WDR46: variants seen among roughly 807,000 people sequenced by gnomAD.
The protein encoded by WDR46 is WD repeat domain 46.
In WDR46, 58 loss-of-function variants were observed where a neutral mutation model predicts 74.7. The ratio of observed to expected loss-of-function variants is 0.78; its 90% confidence interval spans 0.63 to 0.97. WDR46 has a LOEUF of 0.97. Ranked by LOEUF, WDR46 falls within the 50% of genes least tolerant of loss-of-function variation. The probability of loss-of-function intolerance (pLI) is 0.00; values close to 1 mark genes in which losing one functional copy is unlikely to be tolerated. For synonymous variants in WDR46, 278 were observed against 297.3 expected (o/e 0.93, Z 0.67); for missense variants, 702 against 790.1 (o/e 0.89, Z 1.34).
Position 33,285,429 on chromosome 6 carries a change from G to A in WDR46, c.1115+1366C>T, listed in dbSNP as rs555288059. On this transcript the variant is annotated intron_variant, in intron 10 of 14. Transcript: ENST00000374617. ...TGTCATGGGTGACATGGCTTGTTTC[G>A]AACTTCTGGGCTCAAGTGATCTGCC... Among the ~76,000 whole-genome samples, 8 of 151,848 alleles carry A rather than the reference G, an allele frequency of 5.3e-5. No homozygotes were observed. In the East Asian group the frequency reaches 7.8e-4, roughly 15 times the overall value.
At chr6:33,285,943 C>T (rs1157070211) in intron 10 of WDR46, among the ~76,000 whole-genome samples, 1 of 148,740 alleles carries the variant, frequency 6.7e-6, no homozygotes, top group African/African-American at 2.5e-5. Context: ...GAGTTCAAGA[C>T]CAGCCTGGCC....
chr6:33,280,727 T>G lies in WDR46; in HGVS notation c.1376A>C (p.Glu459Ala). The change falls in exon 11 of 15, where the codon GAA (glutamate) becomes GCA (alanine). Residue 459 changes from glutamate to alanine, a missense_variant. Physicochemically the swap from Glu to Ala is moderately radical, Grantham distance 107. Coordinates refer to ENST00000374617, the MANE Select transcript of WDR46 (RefSeq NM_005452.6). ...AGTGTGCCCCACCCCCAGCACATCT[T>G]CAAAGGGGCAGAACTGAAGGCCATG... ...PVHGLQFCPF[E>A]DVLGVGHTGG... The G allele has an allele frequency of 3.1e-6, 5 of 1,604,124 alleles. No homozygotes were observed. Among genetic ancestry groups the G allele is most frequent in the Admixed American group, 1.7e-5 (1 of 59,456 alleles).
At chr6:33,285,796 T>C (rs571016909) in intron 10 of WDR46, among the ~76,000 whole-genome samples, 2 of 151,362 alleles carry the variant, frequency 1.3e-5, no homozygotes, top group East Asian at 4.0e-4. Flanking sequence ...AGTGCTGGGA[T>C]TACAGGCGTG....
chr6:33,280,113 G>A (rs1766004291), intron 12 of WDR46, among the ~76,000 whole-genome samples: 1 of 149,120 alleles, frequency 6.7e-6, no homozygotes, highest in African/African-American at 2.5e-5. Flanking sequence ...ACCCTCTCCA[G>A]GAGAGGGAAT....
intron 6 of WDR46, 64 bp from the exon 7 acceptor site, chr6:33,287,782 G>T: frequency 6.3e-7 from 1 of 1,587,768 alleles, no homozygotes; most frequent in Non-Finnish European, 8.6e-7. Context: ...ACAACTTGAG[G>T]TCTGCCCCAC....
rs747042429 is a variant in WDR46 at position 33,280,755 on chromosome 6, C to G, written c.1348G>C (p.Val450Leu). The change falls in exon 11 of 15, where the codon GTG becomes CTG. Residue 450 changes from valine to leucine, a missense_variant. Transcript: ENST00000374617. The stretch of plus-strand genomic sequence containing the variant: ...AAGGGGCAGAACTGAAGGCCATGCA[C>G]AGGGCCTGAGAGCCGGTGGGTGAGG... Reference protein sequence around the residue: ...PYLTHRLSGPVHGLQFCPFED... With the variant: ...PYLTHRLSGPLHGLQFCPFED... 14 of 1,613,358 alleles carry G rather than the reference C, an allele frequency of 8.7e-6. No homozygotes were observed. Among genetic ancestry groups the G allele is most frequent in the Non-Finnish European group, 1.2e-5 (14 of 1,179,604 alleles).
intron 12 of WDR46, 119 bp downstream of exon 12, chr6:33,280,309 C>T (rs1391381999): frequency 9.5e-7 from 1 of 1,049,184 alleles, no homozygotes; most frequent in Non-Finnish European, 1.4e-6. Flanking sequence ...TGACCTTCTC[C>T]AGCAGGGGGG....
chr6:33,281,530 G>A (rs1445360232), intron 10 of WDR46, among the ~76,000 whole-genome samples: 1 of 151,510 alleles, frequency 6.6e-6, no homozygotes, highest in Non-Finnish European at 1.5e-5. Flanking sequence ...GGGAAGCAGA[G>A]GTTTGTTAGG....
intron 10 of WDR46, among the ~76,000 whole-genome samples, chr6:33,283,779 C>G (rs1444765723): frequency 6.6e-6 from 1 of 152,120 alleles, no homozygotes; most frequent in Non-Finnish European, 1.5e-5. Flanking sequence ...TGCACTTGTA[C>G]TCCCAGCTAC....
At chr6:33,288,783 C>T (rs1766966670) in intron 2 of WDR46, 21 bp downstream of exon 2, 3 of 1,613,642 alleles carry the variant, frequency 1.9e-6, no homozygotes. Flanking sequence ...TGCCTCGCCA[C>T]CCATCAGGTC....
rs562628597 is a variant in WDR46 at position 33,282,772 on chromosome 6, G to C, written c.1116-1785C>G. Among the ~76,000 whole-genome samples the C allele has an allele frequency of 3.3e-5, 5 of 152,234 alleles. No homozygotes were observed. In the South Asian group the frequency reaches 8.3e-4, roughly 25 times the overall value. On this transcript the variant is annotated intron_variant, in intron 10 of 14. Transcript: ENST00000374617. ...CCTAAGCACAGGAGTGGCTGACCCA[G>C]GTAGCCCACGGAGGGCAAGCTACAG... is the stretch of plus-strand genomic sequence containing the variant.
intron 9 of WDR46, 91 bp downstream of exon 9, chr6:33,286,999 AT>A (rs1408633555): frequency 6.3e-7 from 1 of 1,585,524 alleles, no homozygotes; most frequent in African/African-American, 1.4e-5. Flanking sequence ...AAAAAGGGAA[AT>A]AAAAGGGTAA....
chr6:33,284,249 CAA>C (rs199982369), intron 10 of WDR46: 36 of 109,174 alleles, frequency 3.3e-4, no homozygotes, highest in African/African-American at 4.3e-4. Context: ...GACTCTGTCT[CAA>C]AAAAAAAAAA....
Position 33,288,643 on chromosome 6 carries a change from T to C in WDR46, c.331A>G (p.Lys111Glu), listed in dbSNP as rs1766942787. Residue 111 changes from lysine (K) to glutamate (E), a missense_variant, in exon 3 of 15, where the codon AAG becomes GAG. Coordinates refer to ENST00000374617, the MANE Select transcript of WDR46 (RefSeq NM_005452.6). ...CGGGATTTGTCAATGCGACAGAACT[T>C]CTGGACCACTTCCACAGGGACGGGG... ...PAPVPVEVVQ[K>E]FCRIDKSRKL... 5 of 1,610,792 alleles carry C rather than the reference T, an allele frequency of 3.1e-6. No individual in the cohort carries two copies. The highest frequency in any genetic ancestry group is 4.2e-6 in the Non-Finnish European group (5 of 1,178,460).
Position 33,279,546 on chromosome 6 carries a change from G to T in WDR46, c.1685C>A (p.Thr562Lys). 1 of 1,614,110 alleles carries T rather than the reference G, an allele frequency of 6.2e-7. No individual in the cohort carries two copies. The highest frequency in any genetic ancestry group is 8.5e-7 in the Non-Finnish European group (1 of 1,180,044). Reference sequence around the variant, plus strand: ...CCTCTTCCTCTTCACCAGGCTTGCCGTGGAGCTGCGGCCCTTCTGCTTTGG... The same window carrying T: ...CCTCTTCCTCTTCACCAGGCTTGCCTTGGAGCTGCGGCCCTTCTGCTTTGG... ...PKPKQKGRSSTASLVKRKRKV... is the reference protein window; with the variant it reads ...PKPKQKGRSSKASLVKRKRKV... The change falls in exon 14 of 15, where the codon ACG becomes AAG. Residue 562 changes from threonine (T) to lysine (K), a missense_variant. Physicochemically the swap from Thr to Lys is moderately conservative, Grantham distance 78 (BLOSUM62 -1). Transcript: ENST00000374617.
intron 4 of WDR46, 22 bp from the exon 5 acceptor site, chr6:33,288,257 G>T (rs535636172): frequency 6.2e-7 from 1 of 1,614,056 alleles, no homozygotes; most frequent in East Asian, 2.2e-5. Context: ...GGTTAGGATG[G>T]CAGTAAAGCT....
intron 12 of WDR46, 145 bp downstream of exon 12, chr6:33,280,283 C>T (rs1320952419): frequency 1.4e-6 from 1 of 732,430 alleles, no homozygotes; most frequent in Admixed American, 2.6e-5. Context: ...CTGACCTTCT[C>T]CAGCAGTGGG....
Position 33,287,215 on chromosome 6 carries a change from C to T in WDR46, c.891G>A (p.Gly297=), listed in dbSNP as rs756705527. Residue 297 remains glycine, a synonymous_variant, in exon 9 of 15, where the codon GGG becomes GGA. Transcript: ENST00000374617. Reference sequence around the variant, plus strand: ...CTGACACATCCAGGTAGGTTAGAAACCCTGTTTCTGACTGAGAGAGAAAGA... The same window carrying T: ...CTGACACATCCAGGTAGGTTAGAAATCCTGTTTCTGACTGAGAGAGAAAGA... ...HFLLATASET[G]FLTYLDVSVG... is the part of the protein sequence containing the mutation. The T allele has an allele frequency of 2.0e-5, 32 of 1,613,576 alleles. No individual in the cohort carries two copies. Among genetic ancestry groups the T allele is most frequent in the Middle Eastern group, 1.6e-4 (1 of 6,084 alleles).
chr6:33,283,713 A>G (rs1267099229), intron 10 of WDR46, among the ~76,000 whole-genome samples: 1 of 152,064 alleles, frequency 6.6e-6, no homozygotes, highest in Admixed American at 6.6e-5. Flanking sequence ...CAGCCAAGCC[A>G]ACATGGCAAA....
Sources: allele counts gnomAD v4.1 joint callset (sites outside exome capture counted in the v4.1 genomes callset), GRCh38; gene constraint gnomAD v4.1.1; transcripts MANE v1.5; gene names NCBI Gene and HGNC (gene_info 2026-07-23, HGNC 2026-07-21).